The following TUSC3 variants were observed in gnomAD, a reference collection of about 807,000 sequenced individuals.
The protein encoded by TUSC3 is dolichyl-diphosphooligosaccharide--protein glycosyltransferase subunit TUSC3.
TUSC3 carries 45 observed loss-of-function variants against 44.8 expected under a neutral mutation model. The ratio of observed to expected loss-of-function variants is 1.00; its 90% CI spans 0.79 to 1.29. The LOEUF (loss-of-function observed/expected upper bound fraction) is 1.29. Ranked by LOEUF, TUSC3 falls within the 50% of genes most tolerant of loss-of-function variation. The pLI is 0.00. For synonymous variants in TUSC3, 212 were observed against 152.9 expected (o/e 1.39, Z -2.85); for missense variants, 519 against 437.9 (o/e 1.19, Z -1.65).
intron 4 of TUSC3, among the ~76,000 whole-genome samples, chr8:15,661,105 C>T (rs1383958447): frequency 2.6e-5 from 4 of 151,894 alleles, no homozygotes; most frequent in Non-Finnish European, 5.9e-5. Context: ...CATGCAGACA[C>T]ATATGCACAA....
intron 1 of TUSC3, among the ~76,000 whole-genome samples, chr8:15,434,208 A>C (rs563600077): frequency 6.6e-6 from 1 of 152,048 alleles, no homozygotes; most frequent in African/African-American, 2.4e-5. Context: ...AATTAATAAT[A>C]ATCATTTTAT....
chr8:15,798,032 G>C, the TUSC3 span, among the ~76,000 whole-genome samples: 1 of 152,112 alleles, frequency 6.6e-6, no homozygotes, highest in African/African-American at 2.4e-5. Context: ...TACTATGTCC[G>C]ATAGAACACC....
intron 2 of TUSC3, among the ~76,000 whole-genome samples, chr8:15,488,131 C>G (rs1050338012): frequency 1.3e-5 from 2 of 151,980 alleles, no homozygotes; most frequent in African/African-American, 4.8e-5. Context: ...TCTAAGTCCC[C>G]TCTTTATTGA....
intron 7 of TUSC3, among the ~76,000 whole-genome samples, chr8:15,733,818 G>C (rs1178335437): frequency 6.6e-6 from 1 of 152,176 alleles, no homozygotes; most frequent in Non-Finnish European, 1.5e-5. Flanking sequence ...TTCACAGGCT[G>C]ATCATTTTAG....
chr8:15,526,173 C>T (rs2129130204), intron 2 of TUSC3, among the ~76,000 whole-genome samples: 1 of 152,152 alleles, frequency 6.6e-6, no homozygotes, highest in Non-Finnish European at 1.5e-5. Context: ...GCTGTGACTA[C>T]AGGCGCCCGC....
intron 1 of TUSC3, among the ~76,000 whole-genome samples, chr8:15,604,407 C>A (rs1026936918): frequency 6.6e-6 from 1 of 151,638 alleles, no homozygotes; most frequent in South Asian, 2.1e-4. Context: ...TGATAATTGT[C>A]ATTGATGAGT....
chr8:15,485,446 G>A (rs1258679969), intron 2 of TUSC3, among the ~76,000 whole-genome samples: 2 of 148,330 alleles, frequency 1.3e-5, no homozygotes, highest in Non-Finnish European at 3.0e-5. Context: ...GGGAAGCAAT[G>A]TCATTATACT....
At chr8:15,544,446 G>A (rs1801795139) in intron 1 of TUSC3, among the ~76,000 whole-genome samples, 1 of 151,676 alleles carries the variant, frequency 6.6e-6, no homozygotes, top group Non-Finnish European at 1.5e-5. Flanking sequence ...TAGCTAATAG[G>A]CCATGATATG....
chr8:15,632,800 T>G (rs1015276464), intron 2 of TUSC3, among the ~76,000 whole-genome samples: 5 of 152,212 alleles, frequency 3.3e-5, no homozygotes, highest in African/African-American at 1.2e-4. Context: ...AATCCATTAC[T>G]AGGATTATTC....
chr8:15,508,294 A>T (rs562075213), intron 2 of TUSC3, among the ~76,000 whole-genome samples: 2 of 152,194 alleles, frequency 1.3e-5, no homozygotes, highest in East Asian at 1.9e-4. Flanking sequence ...TGGACAAATT[A>T]TGGGTAATAA....
chr8:15,851,067 A>G, the TUSC3 span, among the ~76,000 whole-genome samples: 1 of 152,174 alleles, frequency 6.6e-6, no homozygotes, highest in Non-Finnish European at 1.5e-5. Flanking sequence ...GTCTAAGTCA[A>G]TGGACGACGC....
chr8:15,445,699 T>A (rs1800087060), intron 1 of TUSC3, among the ~76,000 whole-genome samples: 1 of 151,990 alleles, frequency 6.6e-6, no homozygotes, highest in South Asian at 2.1e-4. Flanking sequence ...CAAAATGGAG[T>A]CTCCTATGTC....
the TUSC3 span, among the ~76,000 whole-genome samples, chr8:15,779,581 A>G: frequency 6.6e-6 from 1 of 152,366 alleles, no homozygotes; most frequent in South Asian, 2.1e-4. Flanking sequence ...TTCAGTAATT[A>G]CAATATTAAT....
At chr8:15,749,980 G>C (rs769370154) in intron 9 of TUSC3, among the ~76,000 whole-genome samples, 1 of 146,798 alleles carries the variant, frequency 6.8e-6, no homozygotes, top group Admixed American at 6.9e-5. Context: ...GTGATACTGT[G>C]AGATTTTTTT....
chr8:15,711,165 T>A (rs1282713942), intron 6 of TUSC3, among the ~76,000 whole-genome samples: 1 of 151,646 alleles, frequency 6.6e-6, no homozygotes, highest in Admixed American at 6.6e-5. Context: ...GCATTTTCCT[T>A]GGCAATAAAA....
chr8:15,479,060 G>T (rs147136815), intron 1 of TUSC3, among the ~76,000 whole-genome samples: 61 of 152,238 alleles, frequency 4.0e-4, no homozygotes, highest in African/African-American at 1.3e-3. Flanking sequence ...TCATATGTTT[G>T]TTGGCCTCAT....
chr8:15,418,451 T>C (rs1799687715), intron 1 of TUSC3, among the ~76,000 whole-genome samples: 1 of 152,338 alleles, frequency 6.6e-6, no homozygotes, highest in African/African-American at 2.4e-5. Context: ...AAACTACTGC[T>C]ACTTGTGAAA....
the TUSC3 span, among the ~76,000 whole-genome samples, chr8:15,785,281 A>G: frequency 6.7e-6 from 1 of 150,342 alleles, no homozygotes; most frequent in African/African-American, 2.5e-5. Context: ...GAGACTAATA[A>G]AAATCTTCTT....
chr8:15,676,750 C>T (rs1379168560), intron 6 of TUSC3, among the ~76,000 whole-genome samples: 3 of 152,156 alleles, frequency 2.0e-5, no homozygotes, highest in African/African-American at 4.8e-5. Flanking sequence ...GAAAATCATC[C>T]AGCTCCAAAT....
Sources: allele counts gnomAD v4.1 joint callset (sites outside exome capture counted in the v4.1 genomes callset), GRCh38; gene constraint gnomAD v4.1.1; transcripts MANE v1.5; gene names NCBI Gene and HGNC (gene_info 2026-07-23, HGNC 2026-07-21).